TRRAP: variants seen among roughly 807,000 people sequenced by gnomAD.
The protein encoded by TRRAP is transformation/transcription domain-associated protein.
Under a neutral mutation model 438.8 loss-of-function variants are expected in TRRAP, and 41 were observed. That is an observed-to-expected ratio of 0.09 (90% CI 0.07 to 0.12). The LOEUF (loss-of-function observed/expected upper bound fraction) is 0.12. TRRAP is among the 10% of genes least tolerant of loss of function. The pLI is 1.00. For synonymous variants in TRRAP, 1,994 were observed against 1,962.9 expected, an observed-to-expected ratio of 1.02 and a Z score of -0.42; for missense variants, 3,122 against 5,055.1, an observed-to-expected ratio of 0.62 and a Z score of 11.60.
chr7:98,952,590 T>G (rs1791390160), intron 39 of TRRAP, among the ~76,000 whole-genome samples: 1 of 152,204 alleles, frequency 6.6e-6, no homozygotes, highest in Non-Finnish European at 1.5e-5. Flanking sequence ...ATTTAGAAAT[T>G]TATTTTGCCA....
intron 19 of TRRAP, among the ~76,000 whole-genome samples, chr7:98,916,772 GC>G (rs553009623): frequency 1.3e-3 from 200 of 152,300 alleles, no homozygotes; most frequent in African/African-American, 4.2e-3. Flanking sequence ...TGGGAACTCA[GC>G]CCCTTGCCCT....
In TRRAP at chr7:99,011,559, A is replaced by G; in HGVS notation, c.11337+24A>G. The G allele has an allele frequency of 2.5e-6, 4 of 1,606,882 alleles. No individual in the cohort carries two copies. The highest frequency in any genetic ancestry group is 3.4e-6 in the Non-Finnish European group (4 of 1,176,598). On this transcript the variant is annotated intron_variant, in intron 72 of 72. Transcript: ENST00000456197. This position sits in a 1 kb window ranked among gnomAD's most constrained non-coding sequence, Gnocchi z 7.1. ...AGGTGGGTCTCCACGTCGTCCTATCACAGGCGCAGGCTAGAGCCACTCAGA... is the reference window on the plus strand; with the variant it reads ...AGGTGGGTCTCCACGTCGTCCTATCGCAGGCGCAGGCTAGAGCCACTCAGA...
chr7:98,932,784 ATTT>A (rs1790382024), intron 26 of TRRAP, among the ~76,000 whole-genome samples: 2 of 152,018 alleles, frequency 1.3e-5, no homozygotes, highest in Non-Finnish European at 2.9e-5. Context: ...TTGTCACGTT[ATTT>A]TTTATTTTTT....
chr7:98,949,734 T>C lies in TRRAP; in HGVS notation c.5028T>C (p.Arg1676=). ...SQHSLVSQLR[R]VWVSENFQER... is the part of the protein sequence containing the mutation. ...ACTCTCTGGTGAGCCAGTTGCGACG[T>C]GTGTGGGTGAGTGAGAACTTCCAAG... The change falls in exon 37 of 73, where the codon CGT becomes CGC. Residue 1676 remains arginine, a synonymous_variant. Transcript: ENST00000456197. 1 of 1,613,840 alleles carries C rather than the reference T, an allele frequency of 6.2e-7. No homozygotes were observed. Among genetic ancestry groups the C allele is most frequent in the South Asian group, 1.1e-5 (1 of 91,070 alleles).
chr7:98,926,088 A>G (rs1325699348), intron 22 of TRRAP, among the ~76,000 whole-genome samples: 1 of 152,238 alleles, frequency 6.6e-6, no homozygotes, highest in African/African-American at 2.4e-5. Flanking sequence ...AGAACCTTTA[A>G]GAAGTTGTCG....
At chr7:98,965,253 T>TTA (rs1237694591) in intron 48 of TRRAP, among the ~76,000 whole-genome samples, 2 of 152,266 alleles carry the variant, frequency 1.3e-5, no homozygotes, top group East Asian at 3.8e-4. Context: ...TTACCAGTGC[T>TTA]TACTGTGAAA....
intron 58 of TRRAP, among the ~76,000 whole-genome samples, chr7:98,981,223 G>C (rs1350196128): frequency 6.6e-6 from 1 of 152,128 alleles, no homozygotes; most frequent in Non-Finnish European, 1.5e-5. Context: ...CCAACATGGT[G>C]AAACCCATCT....
At position 98,960,232 on chromosome 7, in the gene TRRAP, T is replaced by C. The variant is rs139818338; in HGVS notation, c.6489+742T>C. Reference sequence around the variant, plus strand: ...AGGTAACAAGGAGCTAGTCCCAAAATGCTAATTATCTTATTTTGGTGGCTG... The same window carrying C: ...AGGTAACAAGGAGCTAGTCCCAAAACGCTAATTATCTTATTTTGGTGGCTG... On this transcript the variant is annotated intron_variant, in intron 45 of 72. Coordinates refer to ENST00000456197, the MANE Select transcript of TRRAP (RefSeq NM_001375524.1). Among the ~76,000 whole-genome samples, 824 of 152,328 alleles carry C rather than the reference T, an allele frequency of 5.4e-3. 3 individuals are homozygous for C. Among genetic ancestry groups the C allele is most frequent in the African/African-American group, 0.018 (729 of 41,584 alleles).
chr7:98,927,122 T>C (rs1554411700), intron 22 of TRRAP, 45 bp from the exon 23 acceptor site: 2 of 1,609,274 alleles, frequency 1.2e-6, no homozygotes, highest in South Asian at 2.2e-5. Context: ...AGTCATCAGC[T>C]CAGGAGTTGG....
intron 47 of TRRAP, 150 bp from the exon 48 acceptor site, chr7:98,964,479 T>C: frequency 1.3e-6 from 1 of 759,642 alleles, no homozygotes; most frequent in Non-Finnish European, 2.1e-6. Context: ...ATTCAGAATG[T>C]AGCGTGAGCC....
chr7:98,925,322 G>A (rs1323186372), intron 22 of TRRAP, 59 bp downstream of exon 22: 5 of 1,578,092 alleles, frequency 3.2e-6, no homozygotes, highest in African/African-American at 1.3e-5. Flanking sequence ...AATTGGGGCT[G>A]CAGAGGGCCT....
intron 14 of TRRAP, 57 bp downstream of exon 14, chr7:98,909,019 ATTT>A (rs879955419): frequency 6.7e-3 from 7,215 of 1,070,384 alleles, no homozygotes; most frequent in Middle Eastern, 8.8e-3. Flanking sequence ...TTGTGGCTAA[ATTT>A]TTTTTTTTTT....
intron 59 of TRRAP, 85 bp downstream of exon 59, chr7:98,982,045 T>C: frequency 7.5e-7 from 1 of 1,334,834 alleles, no homozygotes; most frequent in Non-Finnish European, 9.8e-7. Flanking sequence ...TGCAGACTGC[T>C]CCGGACAGCA....
chr7:98,896,009 T>A (rs1382809861), intron 7 of TRRAP, among the ~76,000 whole-genome samples, 189 bp downstream of exon 7: 1 of 152,216 alleles, frequency 6.6e-6, no homozygotes, highest in Non-Finnish European at 1.5e-5. Flanking sequence ...TTTTTTAGTT[T>A]TTCTGTTTCA....
At chr7:99,003,162 G>GA (rs1794011480) in intron 67 of TRRAP, among the ~76,000 whole-genome samples, 2 of 152,206 alleles carry the variant, frequency 1.3e-5, no homozygotes, top group Non-Finnish European at 2.9e-5. Context: ...AGTCGCCCTG[G>GA]TGAGTTAGGG....
intron 53 of TRRAP, among the ~76,000 whole-genome samples, chr7:98,973,168 C>T (rs2116716288): frequency 6.6e-6 from 1 of 152,224 alleles, no homozygotes; most frequent in South Asian, 2.1e-4. Context: ...TTAGTAGAGA[C>T]AGGGTTTCAC....
Position 98,961,451 on chromosome 7 carries a change from T to C in TRRAP, c.6680T>C (p.Met2227Thr), listed in dbSNP as rs1227849218. The C allele has an allele frequency of 2.5e-6, 4 of 1,614,234 alleles. No homozygotes were observed. The highest frequency in any genetic ancestry group is 2.5e-6 in the Non-Finnish European group (3 of 1,180,042). Residue 2227 changes from methionine to threonine, a missense_variant, in exon 46 of 73, where the codon ATG becomes ACG. By Grantham distance (81) the Met-to-Thr change is moderately conservative (BLOSUM62 -1). Transcript: ENST00000456197. ...RAVHSLLSRL[M>T]SIFPTEPSTS... is the part of the protein sequence containing the mutation. ...GTCCACAGCCTTCTCTCGCGCCTGATGAGCATTTTCCCAACAGAGCCGAGT... is the reference window on the plus strand; with the variant it reads ...GTCCACAGCCTTCTCTCGCGCCTGACGAGCATTTTCCCAACAGAGCCGAGT...
At chr7:98,920,553 T>TG (rs782085592) in intron 20 of TRRAP, among the ~76,000 whole-genome samples, 2 of 151,486 alleles carry the variant, frequency 1.3e-5, no homozygotes, top group African/African-American at 4.9e-5. Flanking sequence ...AGACAAAAAA[T>TG]GGGGGGAAAT....
chr7:98,937,201 T>C lies in TRRAP; in HGVS notation c.4157T>C (p.Ile1386Thr). The C allele has an allele frequency of 6.2e-7, 1 of 1,613,394 alleles. No homozygotes were observed. Among genetic ancestry groups the C allele is most frequent in the Non-Finnish European group, 8.5e-7 (1 of 1,179,624 alleles). Residue 1386 changes from isoleucine (I) to threonine (T), a missense_variant, in exon 29 of 73, where the codon ATC becomes ACC. Physicochemically the swap from Ile to Thr is moderately conservative, Grantham distance 89. Around this residue, in one of 24 missense-constraint regions of TRRAP, gnomAD observed 84 missense variants for 119.8 expected, o/e 0.70. Coordinates refer to ENST00000456197, the MANE Select transcript of TRRAP (RefSeq NM_001375524.1). ...TACCTTCCTCAGTCCAGGGAGAAAA[T>C]CATCGCTGCACTCTTCAAAGCCCTG... ...CNYLPQSREK[I>T]IAALFKALNS...
Sources: gnomAD v4.1 joint callset for allele counts (sites outside exome capture counted in the v4.1 genomes callset) on GRCh38, gnomAD v4.1.1 for gene constraint, gnomAD v4.1.1 regional missense constraint, Gnocchi (gnomAD v3.1) non-coding constraint, MANE v1.5 for transcripts, NCBI Gene and HGNC (gene_info 2026-07-23, HGNC 2026-07-21) for gene names.